Variants in FRYL observed in about 807,000 individuals in gnomAD.
FRYL encodes FRY like transcription coactivator.
A neutral mutation model predicts 351.2 loss-of-function variants in FRYL; 150 were observed. The observed-to-expected ratio is 0.43, with a 90% CI of 0.37 to 0.49. The LOEUF (loss-of-function observed/expected upper bound fraction) is 0.49, where lower values mean the gene tolerates loss of function less well. FRYL is among the 20% of genes least tolerant of loss of function. The probability of loss-of-function intolerance (pLI) is 0.00; values close to 1 mark genes in which losing one functional copy is unlikely to be tolerated. For synonymous variants in FRYL, 1,153 were observed against 1,257.1 expected (o/e 0.92, Z 1.75); for missense variants, 3,036 against 3,619.3 (o/e 0.84, Z 4.13).
chr4:48,581,044 A>ATTTT (rs755903429), intron 21 of FRYL, 93 bp from the exon 22 acceptor site: 11 of 505,050 alleles, frequency 2.2e-5, no homozygotes, highest in South Asian at 9.0e-5. Context: ...CTTCAGCACT[A>ATTTT]TTTTTTTTTT....
intron 8 of FRYL, 66 bp from the exon 9 acceptor site, chr4:48,609,133 C>T (rs1747498039): frequency 1.1e-6 from 1 of 931,764 alleles, no homozygotes; most frequent in Admixed American, 2.0e-5. Flanking sequence ...TTTCCTAATA[C>T]ATATGAAAAT....
Position 48,551,518 on chromosome 4 carries a change from G to T in FRYL, c.4496C>A (p.Pro1499His). ...APTDGNPDNKPIKENIEESYV... is the reference protein window; with the variant it reads ...APTDGNPDNKHIKENIEESYV... ...CCTCTCTTCAATATTCTCTTTAATG[G>T]GCTTATTATCAGGATTGCCATCTGT... is the stretch of plus-strand genomic sequence containing the variant. Residue 1499 changes from proline (P) to histidine (H), a missense_variant, in exon 37 of 64, where the codon CCC becomes CAC. By Grantham distance (77) the Pro-to-His change is moderately conservative. This residue lies in a region of FRYL where 1,987 missense variants were observed against 2,311.7 expected (regional missense o/e 0.86). Coordinates refer to ENST00000358350, the MANE Select transcript of FRYL (RefSeq NM_015030.2). 6.2e-7 allele frequency: 1 copy of T among 1,609,418 alleles called. No individual in the cohort carries two copies. Among genetic ancestry groups the T allele is most frequent in the Non-Finnish European group, 8.5e-7 (1 of 1,176,332 alleles).
intron 3 of FRYL, among the ~76,000 whole-genome samples, chr4:48,674,834 C>T (rs1166099226): frequency 2.0e-5 from 3 of 150,414 alleles, no homozygotes; most frequent in Non-Finnish European, 4.4e-5. Context: ...TAATCCAAAA[C>T]TCCATTGAAG....
intron 42 of FRYL, among the ~76,000 whole-genome samples, chr4:48,545,529 A>C (rs903049013): frequency 2.0e-5 from 3 of 152,174 alleles, no homozygotes; most frequent in Non-Finnish European, 4.4e-5. Context: ...TTTTCAATAT[A>C]ATCTACAACC....
At chr4:48,626,581 T>C (rs1189846745) in intron 4 of FRYL, among the ~76,000 whole-genome samples, 3 of 152,088 alleles carry the variant, frequency 2.0e-5, no homozygotes, top group Non-Finnish European at 4.4e-5. Flanking sequence ...ACTTACTATA[T>C]ATATTCATAA....
rs148883011 is a variant in FRYL at position 48,652,874 on chromosome 4, T to G, written c.-80-18384A>C. Among the ~76,000 whole-genome samples, 428 of 152,344 alleles carry G rather than the reference T, an allele frequency of 2.8e-3. 1 individual carries two copies. Among genetic ancestry groups the G allele is most frequent in the African/African-American group, 9.8e-3 (406 of 41,578 alleles). On this transcript the variant is annotated intron_variant, in intron 3 of 63. Transcript: ENST00000358350. ...AAACAACCAGGTTCTATTCCAATTC[T>G]TTGCCACTGTATGACCTTGGAAAAG...
rs541474323 is a variant in FRYL, at chr4:48,714,174, G to T, written c.-383-3476C>A. Among the ~76,000 whole-genome samples the T allele has an allele frequency of 9.3e-4, 142 of 152,276 alleles. 1 individual carries two copies. Among genetic ancestry groups the T allele is most frequent in the African/African-American group, 3.4e-3 (141 of 41,560 alleles). ...AATGCCCACAAGAGAAAGCAGGAAA[G>T]ATTCAAAATTGACACCCTAACATCA... On this transcript the variant is annotated intron_variant, in intron 1 of 63. Coordinates refer to ENST00000358350, the MANE Select transcript of FRYL (RefSeq NM_015030.2).
chr4:48,509,945 C>T (rs760871113), intron 59 of FRYL, 114 bp downstream of exon 59: 1 of 649,988 alleles, frequency 1.5e-6, no homozygotes, highest in Non-Finnish European at 2.7e-6. Flanking sequence ...CTCAGGAAAA[C>T]CCTGAGGCAG....
chr4:48,552,091 G>A (rs554144235), intron 36 of FRYL, among the ~76,000 whole-genome samples: 2 of 152,214 alleles, frequency 1.3e-5, no homozygotes, highest in African/African-American at 4.8e-5. Context: ...CCTGAAAGAG[G>A]AGGCACCTTA....
intron 3 of FRYL, among the ~76,000 whole-genome samples, chr4:48,639,521 C>T (rs767943121): frequency 1.3e-5 from 2 of 151,738 alleles, no homozygotes; most frequent in Non-Finnish European, 1.5e-5. Context: ...CTTATACCTT[C>T]TGCAAAAATT....
chr4:48,499,640 C>G lies in FRYL; in HGVS notation c.8824G>C (p.Asp2942His), dbSNP rs749733445. The G allele has an allele frequency of 6.2e-7, 1 of 1,613,920 alleles. No homozygotes were observed. Among genetic ancestry groups the G allele is most frequent in the Non-Finnish European group, 8.5e-7 (1 of 1,179,808 alleles). Residue 2942 changes from aspartate to histidine, a missense_variant, in exon 64 of 64, where the codon GAC (aspartate) becomes CAC (histidine). By Grantham distance (81) the Asp-to-His change is moderately conservative. Around this residue, in one of 7 missense-constraint regions of FRYL, gnomAD observed 1,987 missense variants for 2,311.7 expected, o/e 0.86. Coordinates refer to ENST00000358350, the MANE Select transcript of FRYL (RefSeq NM_015030.2). ...PSDIFGSCED[D>H]PVQTLLHIYF... ...ATATGTAACAGTGTCTGTACAGGGT[C>G]ATCTTCACAACTGCCAAAGATATCA...
chr4:48,650,387 C>T (rs961680139), intron 3 of FRYL, among the ~76,000 whole-genome samples: 7 of 152,102 alleles, frequency 4.6e-5, no homozygotes, highest in African/African-American at 1.7e-4. Flanking sequence ...TCAACCAATA[C>T]CCTCCAGAAG....
intron 2 of FRYL, among the ~76,000 whole-genome samples, chr4:48,707,509 T>C (rs74598164): frequency 2.3e-3 from 354 of 152,280 alleles, no homozygotes; most frequent in Middle Eastern, 3.4e-3. Flanking sequence ...ACAAAGCAAT[T>C]GGTTACACCA....
intron 17 of FRYL, among the ~76,000 whole-genome samples, 162 bp from the exon 18 acceptor site, chr4:48,590,039 T>C (rs1052344076): frequency 8.5e-5 from 13 of 152,228 alleles, no homozygotes; most frequent in African/African-American, 2.2e-4. Context: ...AGCTTCAGTA[T>C]ATTGGACTAA....
At position 48,567,464 on chromosome 4, in the gene FRYL, T is replaced by C. The variant is rs1560621928; in HGVS notation, c.2997-44A>G. The C allele has an allele frequency of 7.0e-7, 1 of 1,433,262 alleles. No individual in the cohort carries two copies. The highest frequency in any genetic ancestry group is 9.4e-7 in the Non-Finnish European group (1 of 1,065,422). The allele number at this position is 1,433,262 out of a possible 1,614,324, so 88.8% of individuals were successfully genotyped here. On this transcript the variant is annotated intron_variant, in intron 27 of 63. Transcript: ENST00000358350. The surrounding 1 kb of genome is among the most constrained non-coding windows in gnomAD (Gnocchi z 4.2). ...ACAAAAGATGAAGTAAATGGGACTT[T>C]ATGATTTAAATAAAAAATTCTTAAT...
intron 1 of FRYL, among the ~76,000 whole-genome samples, chr4:48,711,107 G>A (rs1452524191): frequency 2.0e-5 from 3 of 152,212 alleles, no homozygotes; most frequent in Non-Finnish European, 4.4e-5. Flanking sequence ...AATAGGAACA[G>A]CTCCGGTCTA....
At chr4:48,658,609 C>T (rs1209209540) in intron 3 of FRYL, among the ~76,000 whole-genome samples, 1 of 136,142 alleles carries the variant, frequency 7.3e-6, no homozygotes, top group Non-Finnish European at 1.6e-5. Context: ...AAAAAAATTG[C>T]CAGGTGTGGT....
intron 22 of FRYL, 156 bp downstream of exon 22, chr4:48,580,709 G>T: frequency 2.0e-6 from 1 of 498,300 alleles, no homozygotes; most frequent in Non-Finnish European, 3.5e-6. Context: ...CACTTTTTAA[G>T]TACTACTCTT....
At chr4:48,779,590 C>G (rs1411473897) in intron 1 of FRYL, among the ~76,000 whole-genome samples, 2 of 152,064 alleles carry the variant, frequency 1.3e-5, no homozygotes, top group Non-Finnish European at 2.9e-5. Context: ...CCCTTCCCAG[C>G]CGAGGCGGCG....
Sources: allele counts gnomAD v4.1 joint callset (sites outside exome capture counted in the v4.1 genomes callset), GRCh38; gene constraint gnomAD v4.1.1; regional missense constraint gnomAD v4.1.1; non-coding constraint Gnocchi (gnomAD v3.1); transcripts MANE v1.5; gene names NCBI Gene and HGNC (gene_info 2026-07-23, HGNC 2026-07-21).